Variants in MDGA1 observed in about 807,000 individuals in gnomAD.
MDGA1 encodes MAM domain containing glycosylphosphatidylinositol anchor 1, also known as MAM domain-containing glycosylphosphatidylinositol anchor protein 1.
In MDGA1, 54 loss-of-function variants were observed where a neutral mutation model predicts 101.5. That is an observed-to-expected ratio of 0.53 (90% confidence interval 0.43 to 0.67). MDGA1 has a LOEUF of 0.67. Ranked by LOEUF, MDGA1 falls within the 30% of genes least tolerant of loss-of-function variation. The pLI is 0.00. For missense variants in MDGA1, 1,083 were observed against 1,323.8 expected, an observed-to-expected ratio of 0.82 and a Z score of 2.82; for synonymous variants, 533 against 558.3, an observed-to-expected ratio of 0.95 and a Z score of 0.64.
rs1159215635 is a variant in MDGA1, at chr6:37,649,170, C to T, written c.1706G>A (p.Arg569His). ...RCSLLRGSPQ[R>H]IASAVWRFKG... is the part of the protein sequence containing the mutation. ...GAAACGCCACACAGCCGAGGCGATG[C>T]GCTGGGGGCTGCCTCGCAGCAGCGA... The change falls in exon 9 of 17, where the codon CGC becomes CAC. Residue 569 changes from arginine to histidine, a missense_variant. Around this residue, in one of 3 missense-constraint regions of MDGA1, gnomAD observed 657 missense variants for 771.4 expected, o/e 0.85. Transcript: ENST00000434837. 6.7e-7 allele frequency: 1 copy of T among 1,497,678 alleles called. No homozygotes were observed. Among genetic ancestry groups the T allele is most frequent in the South Asian group, 1.3e-5 (1 of 79,070 alleles). 92.8% of individuals were successfully genotyped at this position (1,497,678 alleles called of 1,614,324 possible). A position where few individuals can be genotyped will look rare whatever the true frequency, so the allele number is the denominator to read the frequency against.
intron 1 of MDGA1, among the ~76,000 whole-genome samples, chr6:37,665,110 C>T (rs542677556): frequency 1.2e-4 from 19 of 152,156 alleles, no homozygotes; most frequent in Non-Finnish European, 2.4e-4. Flanking sequence ...TAGGCCCTGG[C>T]TGGATGGGCC....
At position 37,637,251 on chromosome 6, in the gene MDGA1, C is replaced by G. The variant is rs1581837046; in HGVS notation, c.*117G>C. 4 of 745,316 alleles carry G rather than the reference C, an allele frequency of 5.4e-6. No homozygotes were observed. The South Asian group carries it at 7.0e-5, about 13-fold the overall frequency. The allele number at this position is 745,316 out of a possible 1,614,324, so 46.2% of individuals were successfully genotyped here. ...TCCTTGCAGCCAATGCAGGCCCCCT[C>G]CCTGGCGGGCCGGCCCTGCCCCTGG... is the stretch of plus-strand genomic sequence containing the variant. On this transcript the variant is annotated 3_prime_UTR_variant, in exon 17 of 17. Coordinates refer to ENST00000434837, the MANE Select transcript of MDGA1 (RefSeq NM_153487.4).
chr6:37,685,609 C>T (rs528578870), intron 1 of MDGA1, among the ~76,000 whole-genome samples: 3 of 152,262 alleles, frequency 2.0e-5, no homozygotes, highest in African/African-American at 7.2e-5. Context: ...TTTTCTGGAA[C>T]CACAGAGCTC....
At chr6:37,648,477 C>A in intron 9 of MDGA1, 1 of 159,444 alleles carries the variant, frequency 6.3e-6, no homozygotes, top group Non-Finnish European at 1.4e-5. Context: ...TGGGATTGGA[C>A]CGAGCTGAAA....
chr6:37,637,582 C>G, intron 16 of MDGA1, 123 bp from the exon 17 acceptor site: 1 of 773,702 alleles, frequency 1.3e-6, no homozygotes, highest in Non-Finnish European at 2.1e-6. Flanking sequence ...AGGGTGGGCA[C>G]TGGCCTCAGT....
intron 1 of MDGA1, among the ~76,000 whole-genome samples, chr6:37,694,535 G>T (rs1279118944): frequency 6.6e-6 from 1 of 150,732 alleles, no homozygotes. Context: ...CTGCTGGGGA[G>T]GGGGGCAGAA....
Position 37,655,574 on chromosome 6 carries a change from T to C in MDGA1, c.579+126A>G, listed in dbSNP as rs543315096. 9.6e-6 allele frequency: 7 copies of C among 730,478 alleles called. No individual in the cohort carries two copies. Among genetic ancestry groups the C allele is most frequent in the Non-Finnish European group, 1.6e-5 (7 of 445,118 alleles). 45.2% of individuals were successfully genotyped at this position (730,478 alleles called of 1,614,324 possible). A position where few individuals can be genotyped will look rare whatever the true frequency, so the allele number is the denominator to read the frequency against. The stretch of plus-strand genomic sequence containing the variant: ...CAGGCTGTCTGAACTCCAATCAGAA[T>C]GTGTGTTTCCAAAGTAAGAATAGAA... On this transcript the variant is annotated intron_variant, in intron 4 of 16. Coordinates refer to ENST00000434837, the MANE Select transcript of MDGA1 (RefSeq NM_153487.4). The surrounding 1 kb of genome is among the most constrained non-coding windows in gnomAD (Gnocchi z 5.1).
intron 2 of MDGA1, among the ~76,000 whole-genome samples, chr6:37,660,258 C>T (rs1761592193): frequency 6.6e-6 from 1 of 151,864 alleles, no homozygotes; most frequent in Non-Finnish European, 1.5e-5. Context: ...TGAAGCAGTC[C>T]TCCCACCTTG....
At chr6:37,666,292 G>A (rs921741796) in intron 1 of MDGA1, among the ~76,000 whole-genome samples, 5 of 150,946 alleles carry the variant, frequency 3.3e-5, no homozygotes, top group African/African-American at 1.2e-4. Context: ...CCTGGGAGGT[G>A]GAAGTTGCAG....
Position 37,636,637 on chromosome 6 carries a change from G to A in MDGA1, c.*731C>T, listed in dbSNP as rs1289775855. 1 of 152,694 alleles carries A rather than the reference G, an allele frequency of 6.5e-6. No individual in the cohort carries two copies. The highest frequency in any genetic ancestry group is 1.5e-5 in the Non-Finnish European group (1 of 68,108). The allele number at this position is 152,694 out of a possible 1,614,324, so 9.5% of individuals were successfully genotyped here. The stretch of plus-strand genomic sequence containing the variant: ...AAGTTATCAGTCTTCAGACTGCCCA[G>A]GCCCAAGACCCTGTGCTGGGTCCCT... On this transcript the variant is annotated 3_prime_UTR_variant, in exon 17 of 17. Transcript: ENST00000434837.
chr6:37,654,264 G>A lies in MDGA1; in HGVS notation c.982+10C>T. The A allele has an allele frequency of 2.0e-6, 3 of 1,529,396 alleles. No homozygotes were observed. The highest frequency in any genetic ancestry group is 2.3e-5 in the East Asian group (1 of 44,064). 94.7% of individuals were successfully genotyped at this position (1,529,396 alleles called of 1,614,324 possible). A position where few individuals can be genotyped will look rare whatever the true frequency, so the allele number is the denominator to read the frequency against. On this transcript the variant is annotated intron_variant, in intron 6 of 16. Coordinates refer to ENST00000434837, the MANE Select transcript of MDGA1 (RefSeq NM_153487.4). ...ACAACTTCCCTCCCACCCCTTCTGA[G>A]GCCACGTACATCGCACCAGCAGGTT... is the stretch of plus-strand genomic sequence containing the variant.
chr6:37,690,004 C>T (rs774699654), intron 1 of MDGA1, among the ~76,000 whole-genome samples: 1 of 152,206 alleles, frequency 6.6e-6, no homozygotes, highest in Non-Finnish European at 1.5e-5. Flanking sequence ...AGAACAAAAT[C>T]CAGAATCCTT....
intron 1 of MDGA1, among the ~76,000 whole-genome samples, chr6:37,691,612 T>C (rs1762310663): frequency 6.6e-6 from 1 of 152,254 alleles, no homozygotes; most frequent in Non-Finnish European, 1.5e-5. Context: ...ATGTTACTCA[T>C]AGTAGTTACT....
rs183072990 is a variant in MDGA1 at position 37,655,921 on chromosome 6, G to A, written c.383-25C>T. On this transcript the variant is annotated intron_variant, in intron 3 of 16. Transcript: ENST00000434837. The surrounding 1 kb of genome is among the most constrained non-coding windows in gnomAD (Gnocchi z 5.1). Reference sequence around the variant, plus strand: ...TCTGCAAGGGCACAGCCCCCATGGAGTCAGGACTGGGTGACCCCAAGGTTG... The same window carrying A: ...TCTGCAAGGGCACAGCCCCCATGGAATCAGGACTGGGTGACCCCAAGGTTG... The A allele has an allele frequency of 2.2e-4, 358 of 1,594,546 alleles. 1 individual carries two copies. In the African/African-American group the frequency reaches 3.9e-3, roughly 17 times the overall value.
intron 2 of MDGA1, among the ~76,000 whole-genome samples, chr6:37,661,602 C>A (rs1302596798): frequency 1.3e-5 from 2 of 152,158 alleles, no homozygotes; most frequent in Non-Finnish European, 2.9e-5. Flanking sequence ...GCAACTTTGG[C>A]TAAAGCAGGA....
chr6:37,690,392 G>A (rs1374585574), intron 1 of MDGA1, among the ~76,000 whole-genome samples: 3 of 152,228 alleles, frequency 2.0e-5, no homozygotes, highest in Non-Finnish European at 2.9e-5. Flanking sequence ...TTGGACAAGG[G>A]ACTGATAAAT....
rs1054788003 is a variant in MDGA1, at chr6:37,645,791, T to G, written c.2248+142A>C. 5 of 987,084 alleles carry G rather than the reference T, an allele frequency of 5.1e-6. No individual in the cohort carries two copies. In the African/African-American group the frequency reaches 8.1e-5, roughly 16 times the overall value. 61.1% of individuals were successfully genotyped at this position (987,084 alleles called of 1,614,324 possible). ...CCCAACCCTGCTTCTCCTTCTAGCCTCTGGCCCTACCCCATGGAAACACAG... is the reference window on the plus strand; with the variant it reads ...CCCAACCCTGCTTCTCCTTCTAGCCGCTGGCCCTACCCCATGGAAACACAG... On this transcript the variant is annotated intron_variant, in intron 12 of 16. Coordinates refer to ENST00000434837, the MANE Select transcript of MDGA1 (RefSeq NM_153487.4).
At position 37,655,751 on chromosome 6, in the gene MDGA1, T is replaced by G; in HGVS notation, c.528A>C (p.Leu176=). Residue 176 remains leucine (L), a synonymous_variant, in exon 4 of 17, where the codon CTA becomes CTC. Coordinates refer to ENST00000434837, the MANE Select transcript of MDGA1 (RefSeq NM_153487.4). The surrounding 1 kb of genome is among the most constrained non-coding windows in gnomAD (Gnocchi z 5.1). Reference sequence around the variant, plus strand: ...CAACCCCATTGTCCTGGCTGTGGGATAGGGTATCGGAACCCCGCTTCCAGA... The same window carrying G: ...CAACCCCATTGTCCTGGCTGTGGGAGAGGGTATCGGAACCCCGCTTCCAGA... ...RFIWKRGSDT[L]SHSQDNGVDI... is the part of the protein sequence containing the mutation. The G allele has an allele frequency of 6.2e-7, 1 of 1,613,290 alleles. No homozygotes were observed. Among genetic ancestry groups the G allele is most frequent in the Non-Finnish European group, 8.5e-7 (1 of 1,179,636 alleles).
intron 7 of MDGA1, 23 bp downstream of exon 7, chr6:37,651,988 G>A (rs755351740): frequency 5.3e-5 from 81 of 1,533,824 alleles, no homozygotes; most frequent in South Asian, 2.5e-4. Flanking sequence ...TCACATTTCC[G>A]CAGTGCCCCT....
Sources: allele counts gnomAD v4.1 joint callset (sites outside exome capture counted in the v4.1 genomes callset), GRCh38; gene constraint gnomAD v4.1.1; regional missense constraint gnomAD v4.1.1; non-coding constraint Gnocchi (gnomAD v3.1); transcripts MANE v1.5; gene names NCBI Gene and HGNC (gene_info 2026-07-23, HGNC 2026-07-21).